Variants in MACROH2A1 observed in about 807,000 individuals in gnomAD.
The protein encoded by MACROH2A1 is macroH2A.1 histone.
In MACROH2A1, 2 loss-of-function variants were observed where a neutral mutation model predicts 31.6. That is an observed-to-expected ratio of 0.06 (90% CI 0.03 to 0.20). MACROH2A1 has a LOEUF of 0.20. MACROH2A1 is among the 10% of genes least tolerant of loss of function. MACROH2A1 has a pLI of 1.00. For missense variants in MACROH2A1, 230 were observed against 474.0 expected (o/e 0.49, Z 4.78); for synonymous variants, 169 against 189.6 (o/e 0.89, Z 0.89).
intron 5 of MACROH2A1, chr5:135,359,605 G>A (rs1240329875): frequency 8.1e-6 from 8 of 984,370 alleles, no homozygotes; most frequent in Non-Finnish European, 7.2e-6. Flanking sequence ...AACTTGCAAT[G>A]ACGTGAGCGA....
At position 135,352,967 on chromosome 5, in the gene MACROH2A1, T is replaced by C; in HGVS notation, c.667A>G (p.Ile223Val). ...EAIINPTNAD[I>V]DLKDDLGNTL... The stretch of plus-strand genomic sequence containing the variant: ...TTACCTAGGTCATCTTTAAGGTCAA[T>C]GTCAGCATTGGTAGGATTGATTATG... The change falls in exon 6 of 9, where the codon ATT becomes GTT. Residue 223 changes from isoleucine to valine, a missense_variant. Physicochemically the swap from Ile to Val is conservative, Grantham distance 29 (BLOSUM62 3). Transcript: ENST00000511689. 1 of 1,584,768 alleles carries C rather than the reference T, an allele frequency of 6.3e-7. No individual in the cohort carries two copies. Among genetic ancestry groups the C allele is most frequent in the Non-Finnish European group, 8.7e-7 (1 of 1,153,250 alleles).
rs184699968 is a variant in MACROH2A1 at position 135,337,798 on chromosome 5, T to C, written c.954-2657A>G. The C allele has an allele frequency of 8.1e-4, 198 of 244,244 alleles. 2 individuals are homozygous for C. The highest frequency in any genetic ancestry group is 1.6e-4 in the Non-Finnish European group (24 of 148,924). The allele number at this position is 244,244 out of a possible 1,614,324, so 15.1% of individuals were successfully genotyped here. A position where few individuals can be genotyped will look rare whatever the true frequency, so the allele number is the denominator to read the frequency against. On this transcript the variant is annotated intron_variant, in intron 8 of 8. Coordinates refer to ENST00000511689, the MANE Select transcript of MACROH2A1 (RefSeq NM_138610.3). ...GTGCCCACACCTGCCTACCGTCCCG[T>C]TAATAGAGAGCAGACGGTTCCACCG...
intron 4 of MACROH2A1, among the ~76,000 whole-genome samples, chr5:135,367,778 G>A (rs1032182266): frequency 6.6e-6 from 1 of 152,218 alleles, no homozygotes; most frequent in Admixed American, 6.5e-5. Context: ...CCAGGTCTCT[G>A]GGGCTCATAA....
At chr5:135,348,779 G>C (rs1761163794) in intron 6 of MACROH2A1, among the ~76,000 whole-genome samples, 1 of 152,250 alleles carries the variant, frequency 6.6e-6, no homozygotes, top group Non-Finnish European at 1.5e-5. Context: ...GCCTTGGCCA[G>C]TTGGGGTGTC....
chr5:135,359,837 C>G, intron 5 of MACROH2A1: 1 of 964,210 alleles, frequency 1.0e-6, no homozygotes, highest in Non-Finnish European at 1.2e-6. Flanking sequence ...TTAGTTAACT[C>G]TCATTCTCAG....
In MACROH2A1 at chr5:135,389,082, G is replaced by A. The variant is rs199696932; in HGVS notation, c.12C>T (p.Arg4=). The change falls in exon 2 of 9, where the codon CGC becomes CGT. Residue 4 remains arginine, a synonymous_variant. Coordinates refer to ENST00000511689, the MANE Select transcript of MACROH2A1 (RefSeq NM_138610.3). ...TCTTGGTGGACTTCTTCTTCCCACC[G>A]CGGCTCGACATGGCGGTGGCCCTGG... MSS[R]GGKKKSTKTS... 1.2e-5 allele frequency: 20 copies of A among 1,613,168 alleles called. No homozygotes were observed. The highest frequency in any genetic ancestry group is 6.7e-5 in the East Asian group (3 of 44,864).
chr5:135,363,795 A>G (rs2149815799), intron 4 of MACROH2A1, among the ~76,000 whole-genome samples: 1 of 152,346 alleles, frequency 6.6e-6, no homozygotes, highest in South Asian at 2.1e-4. Flanking sequence ...TCTCACCAAC[A>G]GTGTAAAAGC....
intron 5 of MACROH2A1, chr5:135,356,571 A>ATTG (rs1581203377): frequency 6.6e-6 from 1 of 152,130 alleles, no homozygotes; most frequent in East Asian, 1.9e-4. Flanking sequence ...CCTTTAAGGC[A>ATTG]TTGTTAATGG....
intron 8 of MACROH2A1, among the ~76,000 whole-genome samples, chr5:135,339,619 C>CTT (rs1416780496): frequency 6.6e-6 from 1 of 152,186 alleles, no homozygotes; most frequent in African/African-American, 2.4e-5. Context: ...TTGTCTGTCA[C>CTT]TTAGGGTATA....
intron 1 of MACROH2A1, among the ~76,000 whole-genome samples, chr5:135,393,831 C>T (rs1252374960): frequency 1.3e-5 from 2 of 152,150 alleles, no homozygotes; most frequent in Non-Finnish European, 2.9e-5. Flanking sequence ...TTCTGCAACT[C>T]TTCCAATTAT....
chr5:135,376,921 T>C (rs1764959244), intron 2 of MACROH2A1, among the ~76,000 whole-genome samples: 1 of 152,232 alleles, frequency 6.6e-6, no homozygotes, highest in African/African-American at 2.4e-5. Context: ...TTTCGATGGA[T>C]GGATTTGTGC....
chr5:135,363,745 T>A (rs1482364061), intron 4 of MACROH2A1, among the ~76,000 whole-genome samples: 3 of 152,236 alleles, frequency 2.0e-5, no homozygotes, highest in Non-Finnish European at 4.4e-5. Flanking sequence ...CCTTGAGGAA[T>A]CGCCACACTG....
chr5:135,346,130 T>G, intron 6 of MACROH2A1, 73 bp from the exon 7 acceptor site: 1 of 869,936 alleles, frequency 1.1e-6, no homozygotes, highest in South Asian at 1.3e-5. Context: ...GCATGTCAGG[T>G]GATTACATAC....
At chr5:135,367,971 G>A (rs1763728749) in intron 4 of MACROH2A1, among the ~76,000 whole-genome samples, 1 of 152,200 alleles carries the variant, frequency 6.6e-6, no homozygotes, top group Non-Finnish European at 1.5e-5. Context: ...CGCATTCTGT[G>A]AAATCCCTGC....
chr5:135,358,226 T>C, intron 5 of MACROH2A1: 2 of 985,352 alleles, frequency 2.0e-6, no homozygotes, highest in African/African-American at 1.7e-5. Flanking sequence ...AAAATAATGC[T>C]CTAATGTATC....
intron 1 of MACROH2A1, among the ~76,000 whole-genome samples, chr5:135,395,179 T>C (rs966231583): frequency 2.6e-5 from 4 of 152,134 alleles, no homozygotes; most frequent in South Asian, 2.1e-4. Flanking sequence ...CTCAGTACCA[T>C]AGACTGCAGG....
chr5:135,379,486 G>C (rs969179082), intron 2 of MACROH2A1, among the ~76,000 whole-genome samples: 1 of 152,164 alleles, frequency 6.6e-6, no homozygotes, highest in African/African-American at 2.4e-5. Context: ...GAGGGTGGTG[G>C]GAAGAGACGG....
intron 2 of MACROH2A1, among the ~76,000 whole-genome samples, chr5:135,374,405 G>A (rs1454953424): frequency 4.6e-5 from 7 of 152,306 alleles, no homozygotes; most frequent in African/African-American, 1.4e-4. Context: ...TTTCTTCCCT[G>A]TAAGTGATCC....
intron 6 of MACROH2A1, chr5:135,347,126 T>C (rs1760936895): frequency 6.6e-6 from 1 of 152,212 alleles, no homozygotes; most frequent in South Asian, 2.1e-4. Flanking sequence ...ACAATTCTGG[T>C]ATGGGACGGT....
Sources: allele counts gnomAD v4.1 joint callset (sites outside exome capture counted in the v4.1 genomes callset), GRCh38; gene constraint gnomAD v4.1.1; transcripts MANE v1.5; gene names NCBI Gene and HGNC (gene_info 2026-07-23, HGNC 2026-07-21).